The following CAPN14 variants were observed in gnomAD, a reference collection of about 807,000 sequenced individuals.
CAPN14 encodes calpain-14.
A neutral mutation model predicts 101.3 loss-of-function variants in CAPN14; 94 were observed. The observed-to-expected ratio is 0.93, with a 90% CI of 0.79 to 1.10. The LOEUF (loss-of-function observed/expected upper bound fraction) is 1.10. Among genes scored for constraint, CAPN14 ranks in the 50% least tolerant of loss-of-function variants. The pLI, the probability that CAPN14 is intolerant of heterozygous loss-of-function variation, is 0.00. For missense variants in CAPN14, 837 were observed against 828.4 expected (o/e 1.01, Z -0.13); for synonymous variants, 338 against 317.9 (o/e 1.06, Z -0.67).
At chr2:31,202,307 C>A in intron 3 of CAPN14, 55 bp from the exon 4 acceptor site, 1 of 1,387,488 alleles carries the variant, frequency 7.2e-7, no homozygotes, top group Non-Finnish European at 1.0e-6. Flanking sequence ...TTTATGACTG[C>A]AGAAAATGCC....
chr2:31,205,353 G>T lies in CAPN14; in HGVS notation c.95C>A (p.Ala32Asp), dbSNP rs1682018475. The part of the protein sequence containing the change: ...SPQQPQQDFE[A>D]LLAECLRNGC... The stretch of plus-strand genomic sequence containing the variant: ...ATTCCTCAGGCACTCTGCCAGCAGG[G>T]CCTCAAAGTCCTGTTGGGGTTGCTG... Residue 32 changes from alanine (A) to aspartate (D), a missense_variant, in exon 2 of 22, where the codon GCC becomes GAC. Ala to Asp is a moderately radical substitution (Grantham distance 126, BLOSUM62 -2). Transcript: ENST00000403897. 6.4e-7 allele frequency: 1 copy of T among 1,551,460 alleles called. No individual in the cohort carries two copies.
At position 31,177,137 on chromosome 2, in the gene CAPN14, T is replaced by C. The variant is rs1680341715; in HGVS notation, c.1861A>G (p.Met621Val). 6.5e-7 allele frequency: 1 copy of C among 1,550,016 alleles called. No individual in the cohort carries two copies. The highest frequency in any genetic ancestry group is 8.7e-7 in the Non-Finnish European group (1 of 1,145,886). The change falls in exon 20 of 22, where the codon ATG becomes GTG. Residue 621 changes from methionine (M) to valine (V), a missense_variant. Met to Val is a conservative substitution (Grantham distance 21). Transcript: ENST00000403897. The stretch of plus-strand genomic sequence containing the variant: ...AGCTGACAGACGTCATCACTGAGCA[T>C]GATTCCTGCATTGAGCACAAGCTCC... ...LHAAMREAGIMLSDDVCQLML... is the reference protein window; with the variant it reads ...LHAAMREAGIVLSDDVCQLML...
chr2:31,214,745 G>T (rs1397533659), intron 1 of CAPN14, among the ~76,000 whole-genome samples: 2 of 152,138 alleles, frequency 1.3e-5, no homozygotes, highest in African/African-American at 4.8e-5. Context: ...TGGAGCATGG[G>T]TGTACACCTT....
rs993543728 is a variant in CAPN14 at position 31,174,687 on chromosome 2, G to A, written c.2049C>T (p.Tyr683=). Residue 683 remains tyrosine, a synonymous_variant, in exon 22 of 22, where the codon TAC becomes TAT. Coordinates refer to ENST00000403897, the MANE Select transcript of CAPN14 (RefSeq NM_001145122.2). ...CAGGTGAGACTCAGCCTTCTCAGGA[G>A]TACAGTGCCATCATCATCCACTGGA... The part of the protein sequence containing the change: ...QKPEWMMMAL[Y]S 1 of 1,551,596 alleles carries A rather than the reference G, an allele frequency of 6.4e-7. No homozygotes were observed. Among genetic ancestry groups the A allele is most frequent in the South Asian group, 1.2e-5 (1 of 84,062 alleles).
At chr2:31,212,517 T>C (rs920284853) in intron 1 of CAPN14, among the ~76,000 whole-genome samples, 3 of 152,182 alleles carry the variant, frequency 2.0e-5, no homozygotes, top group African/African-American at 4.8e-5. Flanking sequence ...TGGCTTTCTT[T>C]GGTGGTGGCT....
At chr2:31,206,357 C>T (rs1247111325) in intron 1 of CAPN14, among the ~76,000 whole-genome samples, 1 of 152,190 alleles carries the variant, frequency 6.6e-6, no homozygotes, top group East Asian at 1.9e-4. Context: ...GGCAGGGCTG[C>T]AGGTTGGCGT....
In CAPN14 at chr2:31,178,697, T is replaced by A. The variant is rs1572386774; in HGVS notation, c.1711-118A>T. On this transcript the variant is annotated intron_variant, in intron 17 of 21. Transcript: ENST00000403897. ...GTGGATGGCCTCATTCAATGTCTGATCATGTCTGATTTCGCTAGTTCGCCT... is the reference window on the plus strand; with the variant it reads ...GTGGATGGCCTCATTCAATGTCTGAACATGTCTGATTTCGCTAGTTCGCCT... The A allele has an allele frequency of 4.6e-6, 3 of 646,956 alleles. No homozygotes were observed. The East Asian group carries it at 9.6e-5, about 21-fold the overall frequency. 40.1% of individuals were successfully genotyped at this position (646,956 alleles called of 1,614,324 possible). A position where few individuals can be genotyped will look rare whatever the true frequency, so the allele number is the denominator to read the frequency against.
Position 31,230,241 on chromosome 2 carries a change from T to C in CAPN14, c.-177+3550A>G, listed in dbSNP as rs1168852102. Among the ~76,000 whole-genome samples, 1 of 152,236 alleles carries C rather than the reference T, an allele frequency of 6.6e-6. No homozygotes were observed. The highest frequency in any genetic ancestry group is 1.5e-5 in the Non-Finnish European group (1 of 68,044). On this transcript the variant is annotated intron_variant and NMD_transcript_variant, in intron 1 of 21. Coordinates refer to the CAPN14 transcript ENST00000398824. The surrounding 1 kb of genome is among the most constrained non-coding windows in gnomAD (Gnocchi z 4.3). Reference sequence around the variant, plus strand: ...ATATATTTTATATGAATGTGGCACATTTATCCATTTACTCGGTGAAGGACA... The same window carrying C: ...ATATATTTTATATGAATGTGGCACACTTATCCATTTACTCGGTGAAGGACA...
chr2:31,205,299 G>C lies in CAPN14; in HGVS notation c.149C>G (p.Pro50Arg), dbSNP rs867244304. ...NGCLFEDTSFPATLSSIGSGS... is the reference protein window; with the variant it reads ...NGCLFEDTSFRATLSSIGSGS... ...ACTGCCGATGGAGCTCAGGGTGGCC[G>C]GGAAGCTGGTGTCTTCAAAGAGGCA... is the stretch of plus-strand genomic sequence containing the variant. Residue 50 changes from proline to arginine, a missense_variant, in exon 2 of 22, where the codon CCG (proline) becomes CGG (arginine). Transcript: ENST00000403897. 1 of 1,550,382 alleles carries C rather than the reference G, an allele frequency of 6.5e-7. No homozygotes were observed. Among genetic ancestry groups the C allele is most frequent in the Non-Finnish European group, 8.7e-7 (1 of 1,146,982 alleles).
chr2:31,211,751 G>A (rs767195633), intron 1 of CAPN14, among the ~76,000 whole-genome samples: 1 of 151,868 alleles, frequency 6.6e-6, no homozygotes, highest in Admixed American at 6.6e-5. Flanking sequence ...TCTGGATAAT[G>A]TGACTAAGAC....
At chr2:31,185,213 C>G (rs1361726303) in intron 16 of CAPN14, among the ~76,000 whole-genome samples, 1 of 152,170 alleles carries the variant, frequency 6.6e-6, no homozygotes, top group Non-Finnish European at 1.5e-5. Flanking sequence ...CAGACAGAAT[C>G]TAAGAACTCT....
intron 1 of CAPN14, among the ~76,000 whole-genome samples, chr2:31,206,820 A>G (rs1256620955): frequency 6.6e-6 from 1 of 152,058 alleles, no homozygotes; most frequent in Non-Finnish European, 1.5e-5. Context: ...TAGCCTCCCC[A>G]TTTTTCAGGT....
chr2:31,180,675 G>A (rs1680547162), intron 17 of CAPN14, among the ~76,000 whole-genome samples: 1 of 152,054 alleles, frequency 6.6e-6, no homozygotes, highest in Admixed American at 6.6e-5. Context: ...GCTAATATTG[G>A]TCACCTATTA....
chr2:31,176,166 T>C (rs1680276111), intron 21 of CAPN14, among the ~76,000 whole-genome samples: 1 of 152,170 alleles, frequency 6.6e-6, no homozygotes, highest in South Asian at 2.1e-4. Flanking sequence ...CCCATTTCCC[T>C]GGGAAGAACA....
At chr2:31,197,181 G>A in intron 8 of CAPN14, 68 bp downstream of exon 8, 4 of 1,048,580 alleles carry the variant, frequency 3.8e-6, no homozygotes, top group Middle Eastern at 2.1e-4. Flanking sequence ...TTGAATCTGT[G>A]TGCAAATGGC....
At chr2:31,176,995 C>A in intron 20 of CAPN14, 31 bp downstream of exon 20, 1 of 1,472,010 alleles carries the variant, frequency 6.8e-7, no homozygotes, top group Non-Finnish European at 9.3e-7. Flanking sequence ...CAGAGGAAGA[C>A]CTGGCCCTCC....
chr2:31,176,575 G>A lies in CAPN14; in HGVS notation c.2028+12C>T, dbSNP rs1393787136. The A allele has an allele frequency of 1.3e-6, 2 of 1,550,944 alleles. No homozygotes were observed. Among genetic ancestry groups the A allele is most frequent in the Non-Finnish European group, 1.7e-6 (2 of 1,146,312 alleles). ...AAGATGACATGAGCCACCTCCTTGG[G>A]GCAAGTCTTACCTCTGGCTTCTGGA... On this transcript the variant is annotated intron_variant, in intron 21 of 21. Transcript: ENST00000403897.
At position 31,177,113 on chromosome 2, in the gene CAPN14, G is replaced by A. The variant is rs997723066; in HGVS notation, c.1885C>T (p.Leu629=). Residue 629 remains leucine, a synonymous_variant, in exon 20 of 22, where the codon CTG becomes TTG. Transcript: ENST00000403897. ...GIMLSDDVCQ[L]MLIRYGGPRL... is the part of the protein sequence containing the mutation. ...GGGCCGCCGTAGCGGATGAGCATCA[G>A]CTGACAGACGTCATCACTGAGCATG... The A allele has an allele frequency of 2.0e-5, 31 of 1,551,140 alleles. No homozygotes were observed. Among genetic ancestry groups the A allele is most frequent in the Non-Finnish European group, 2.6e-5 (30 of 1,146,702 alleles).
intron 6 of CAPN14, among the ~76,000 whole-genome samples, chr2:31,200,208 T>C (rs543077532): frequency 5.3e-5 from 8 of 152,264 alleles, no homozygotes; most frequent in South Asian, 2.1e-4. Context: ...TTTCACCATA[T>C]TGGCCAGGCT....
Sources: gnomAD v4.1 joint callset for allele counts (sites outside exome capture counted in the v4.1 genomes callset) on GRCh38, gnomAD v4.1.1 for gene constraint, Gnocchi (gnomAD v3.1) non-coding constraint, MANE v1.5 for transcripts, NCBI Gene and HGNC (gene_info 2026-07-23, HGNC 2026-07-21) for gene names.